The following LANCL1 variants were observed in gnomAD, a reference collection of about 807,000 sequenced individuals.
The protein encoded by LANCL1 is LanC like glutathione S-transferase 1.
Under a neutral mutation model 50.6 loss-of-function variants are expected in LANCL1, and 50 were observed. The ratio of observed to expected loss-of-function variants is 0.99; its 90% confidence interval spans 0.79 to 1.25. The LOEUF (loss-of-function observed/expected upper bound fraction) is 1.25, where lower values mean the gene tolerates loss of function less well. Among genes scored for constraint, LANCL1 ranks in the 50% most tolerant of loss-of-function variants. LANCL1 has a pLI of 0.00. For missense variants in LANCL1, 532 were observed against 480.7 expected, an observed-to-expected ratio of 1.11 and a Z score of -1.00; for synonymous variants, 188 against 178.6, an observed-to-expected ratio of 1.05 and a Z score of -0.42.
chr2:210,438,005 A>AT, intron 6 of LANCL1, 133 bp from the exon 7 acceptor site: 1 of 563,028 alleles, frequency 1.8e-6, no homozygotes, highest in Non-Finnish European at 2.9e-6. Context: ...ATTTCATCCA[A>AT]TTTTTCCACC....
intron 2 of LANCL1, among the ~76,000 whole-genome samples, chr2:210,474,009 A>G (rs977252785): frequency 4.6e-5 from 7 of 152,210 alleles, no homozygotes; most frequent in African/African-American, 1.7e-4. Flanking sequence ...CCTGGCCTTC[A>G]AGAGATCAAG....
intron 2 of LANCL1, among the ~76,000 whole-genome samples, chr2:210,473,506 G>A (rs1694278681): frequency 6.6e-6 from 1 of 152,022 alleles, no homozygotes; most frequent in African/African-American, 2.4e-5. Flanking sequence ...ACAATGTGGG[G>A]GAAAGTTACA....
In LANCL1 at chr2:210,476,651, T is replaced by G. The variant is rs1694390037; in HGVS notation, c.-48A>C. On this transcript the variant is annotated 5_prime_UTR_variant, in exon 1 of 10. Coordinates refer to ENST00000450366, the MANE Select transcript of LANCL1 (RefSeq NM_006055.3). ...AAAGAGGCCCCGTTTTGCAACCCCG[T>G]TCCCACGCCCGCGACTTGAAGCAAG... 1.6e-5 allele frequency: 20 copies of G among 1,245,148 alleles called. No homozygotes were observed. The highest frequency in any genetic ancestry group is 3.6e-5 in the East Asian group (1 of 27,898). 77.1% of individuals were successfully genotyped at this position (1,245,148 alleles called of 1,614,324 possible).
chr2:210,457,112 CA>C (rs1201961742), intron 3 of LANCL1, among the ~76,000 whole-genome samples: 2 of 152,146 alleles, frequency 1.3e-5, no homozygotes, highest in Non-Finnish European at 2.9e-5. Context: ...TTTTGATAAG[CA>C]ATCTTCTGCA....
At position 210,476,669 on chromosome 2, in the gene LANCL1, G is replaced by A; in HGVS notation, c.-66C>T. ...AACCCCGTTCCCACGCCCGCGACTT[G>A]AAGCAAGTGCGCCTCCCGCGTCCTG... is the stretch of plus-strand genomic sequence containing the variant. On this transcript the variant is annotated 5_prime_UTR_variant, in exon 1 of 10. Coordinates refer to ENST00000450366, the MANE Select transcript of LANCL1 (RefSeq NM_006055.3). 1.6e-6 allele frequency: 2 copies of A among 1,227,344 alleles called. No individual in the cohort carries two copies. The highest frequency in any genetic ancestry group is 2.0e-6 in the Non-Finnish European group (2 of 980,422). The allele number at this position is 1,227,344 out of a possible 1,614,324, so 76.0% of individuals were successfully genotyped here. A position where few individuals can be genotyped will look rare whatever the true frequency, so the allele number is the denominator to read the frequency against.
intron 3 of LANCL1, chr2:210,469,247 G>C (rs547279333): frequency 7.9e-5 from 12 of 152,292 alleles, no homozygotes; most frequent in Non-Finnish European, 1.8e-4. Flanking sequence ...TTATGAATAA[G>C]TGATACTTGG....
chr2:210,446,063 G>A (rs573900974), intron 4 of LANCL1, among the ~76,000 whole-genome samples: 3 of 152,292 alleles, frequency 2.0e-5, no homozygotes, highest in East Asian at 1.9e-4. Context: ...CCTGCGTGCC[G>A]GCTCTGAAGA....
upstream of LANCL1, chr2:210,476,822 CTCTT>C (rs1694399462): frequency 6.0e-6 from 6 of 1,002,556 alleles, no homozygotes; most frequent in Middle Eastern, 5.0e-4. Flanking sequence ...GCCCCCTTCT[CTCTT>C]ACAGTTTGTT....
intron 4 of LANCL1, among the ~76,000 whole-genome samples, chr2:210,450,152 AC>A (rs753288023): frequency 3.3e-5 from 5 of 152,170 alleles, no homozygotes; most frequent in Non-Finnish European, 5.9e-5. Flanking sequence ...AGATATATAG[AC>A]CAATAGAACA....
intron 3 of LANCL1, among the ~76,000 whole-genome samples, chr2:210,456,758 T>C (rs2105910606): frequency 6.6e-6 from 1 of 152,300 alleles, no homozygotes; most frequent in East Asian, 1.9e-4. Context: ...AGTTAAGTTA[T>C]GTAAGCACCA....
rs542421299 is a variant in LANCL1 at position 210,438,227 on chromosome 2, C to T, written c.691-355G>A. 4.0e-5 allele frequency among the ~76,000 whole-genome samples: 6 copies of T among 151,332 alleles called. No individual in the cohort carries two copies. In the South Asian group the frequency reaches 6.3e-4, roughly 16 times the overall value. On this transcript the variant is annotated intron_variant, in intron 6 of 9. Coordinates refer to ENST00000450366, the MANE Select transcript of LANCL1 (RefSeq NM_006055.3). ...TTGGCTCCCTGCAACCTCCACCTCC[C>T]GGGTTCAAGTGATTGTCCTGTCTCA...
intron 3 of LANCL1, among the ~76,000 whole-genome samples, chr2:210,457,063 T>G (rs1254464264): frequency 6.6e-6 from 1 of 152,180 alleles, no homozygotes; most frequent in Non-Finnish European, 1.5e-5. Flanking sequence ...CATGTTCCAG[T>G]TCTCCCCTAC....
At chr2:210,442,131 C>T (rs950850111) in intron 4 of LANCL1, among the ~76,000 whole-genome samples, 2 of 151,888 alleles carry the variant, frequency 1.3e-5, no homozygotes, top group Non-Finnish European at 2.9e-5. Flanking sequence ...CTCCAATTCC[C>T]GACCTCAGGT....
chr2:210,454,941 G>A (rs559229378), intron 4 of LANCL1, among the ~76,000 whole-genome samples, 166 bp downstream of exon 4: 5 of 152,298 alleles, frequency 3.3e-5, no homozygotes, highest in South Asian at 2.1e-4. Flanking sequence ...GATTATAATC[G>A]TTGTTCCTTA....
chr2:210,445,643 T>C (rs1347126267), intron 4 of LANCL1, among the ~76,000 whole-genome samples: 1 of 152,208 alleles, frequency 6.6e-6, no homozygotes, highest in Non-Finnish European at 1.5e-5. Context: ...ATATCACTGA[T>C]AAATCATAAT....
At chr2:210,442,553 C>G (rs1693176848) in intron 4 of LANCL1, 1 of 152,164 alleles carries the variant, frequency 6.6e-6, no homozygotes, top group South Asian at 2.1e-4. Flanking sequence ...TAAGATGGAG[C>G]AAGCATGCTC....
At chr2:210,469,965 A>G (rs112425171) in intron 3 of LANCL1, among the ~76,000 whole-genome samples, 2,509 of 106,052 alleles carry the variant, frequency 0.024, 57 homozygotes, top group African/African-American at 0.082. Context: ...AGAATTAACT[A>G]GTGATTTTTT....
intron 3 of LANCL1, among the ~76,000 whole-genome samples, chr2:210,456,603 C>A (rs907378914): frequency 1.3e-5 from 2 of 151,790 alleles, no homozygotes; most frequent in Non-Finnish European, 1.5e-5. Flanking sequence ...ACCCTTTTCA[C>A]AAATGATTGA....
At position 210,472,036 on chromosome 2, in the gene LANCL1, C is replaced by A; in HGVS notation, c.122G>T (p.Arg41Leu). The A allele has an allele frequency of 6.2e-7, 1 of 1,614,086 alleles. No homozygotes were observed. The highest frequency in any genetic ancestry group is 1.1e-5 in the South Asian group (1 of 91,080). ...EFSQRLTNKI[R>L]ELLQQMERGL... ...TCTCTCCATTTGCTGAAGAAGCTCC[C>A]GAATCTTATTGGTCAAGCGTTGTGA... Residue 41 changes from arginine to leucine, a missense_variant, in exon 3 of 10, where the codon CGG (arginine) becomes CTG (leucine). Physicochemically the swap from Arg to Leu is moderately radical, Grantham distance 102. Transcript: ENST00000450366.
Sources: gnomAD v4.1 joint callset for allele counts (sites outside exome capture counted in the v4.1 genomes callset) on GRCh38, gnomAD v4.1.1 for gene constraint, MANE v1.5 for transcripts, NCBI Gene and HGNC (gene_info 2026-07-23, HGNC 2026-07-21) for gene names.